The following SH3GL3 variants were observed in gnomAD, a reference collection of about 807,000 sequenced individuals.
SH3GL3 encodes SH3 domain containing GRB2 like 3, endophilin A3.
Under a neutral mutation model 47.7 loss-of-function variants are expected in SH3GL3, and 33 were observed. That is an observed-to-expected ratio of 0.69 (90% CI 0.52 to 0.92). The LOEUF (loss-of-function observed/expected upper bound fraction) is 0.92. SH3GL3 is among the 40% of genes least tolerant of loss of function. The pLI, the probability that SH3GL3 is intolerant of heterozygous loss-of-function variation, is 0.00. For missense variants in SH3GL3, 363 were observed against 417.8 expected (o/e 0.87, Z 1.14); for synonymous variants, 155 against 148.8 (o/e 1.04, Z -0.30).
chr15:83,601,652 G>T lies in SH3GL3; in HGVS notation c.838+12881G>T, dbSNP rs56347029. The stretch of plus-strand genomic sequence containing the variant: ...TGTTCATCAGGGATATTGGTCTGTA[G>T]TTTTCTTTTTTTTCTATGTCCCTTC... On this transcript the variant is annotated intron_variant, in intron 8 of 8. Coordinates refer to ENST00000427482, the MANE Select transcript of SH3GL3 (RefSeq NM_003027.5). 3.3e-3 allele frequency among the ~76,000 whole-genome samples: 503 copies of T among 152,096 alleles called. 6 individuals carry two copies. Among genetic ancestry groups the T allele is most frequent in the African/African-American group, 0.011 (477 of 41,508 alleles).
chr15:83,620,476 A>G (rs535281772), downstream of SH3GL3, among the ~76,000 whole-genome samples: 411 of 152,368 alleles, frequency 2.7e-3, 10 homozygotes, highest in Admixed American at 0.024. Context: ...GTTAGTAGGC[A>G]TGAAAACAAC....
At position 83,568,902 on chromosome 15, in the gene SH3GL3, C is replaced by CT. The variant is rs58463834; in HGVS notation, c.331+250dup. 5.4e-3 allele frequency among the ~76,000 whole-genome samples: 710 copies of CT among 130,948 alleles called. 8 individuals carry two copies. The South Asian group carries it at 0.056, about 10-fold the overall frequency. 85.9% of individuals were successfully genotyped at this position (130,948 alleles called of 152,430 possible). On this transcript the variant is annotated intron_variant, in intron 4 of 8. Transcript: ENST00000427482. ...GGCCCAATTAAACTCTGTTGTGTAT[C>CT]TTTTTTTTTTTTTTTTTTTTAGACA...
intron 1 of SH3GL3, among the ~76,000 whole-genome samples, chr15:83,467,866 C>T (rs2040639563): frequency 6.6e-6 from 1 of 152,076 alleles, no homozygotes; most frequent in Non-Finnish European, 1.5e-5. Context: ...CTCTCTCTGT[C>T]ACCCAGGCTA....
At chr15:83,517,205 C>CTTTTTTTTTTTTTTTTTTTTTT (rs36096315) in intron 1 of SH3GL3, among the ~76,000 whole-genome samples, 1 of 109,690 alleles carries the variant, frequency 9.1e-6, no homozygotes, top group African/African-American at 3.4e-5. Context: ...CTTTTCTTTT[C>CTTTTTTTTTTTTTTTTTTTTTT]TTTTTTTTTT....
At chr15:83,601,146 T>G (rs146594084) in intron 8 of SH3GL3, among the ~76,000 whole-genome samples, 2,691 of 152,290 alleles carry the variant, frequency 0.018, 88 homozygotes, top group African/African-American at 0.061. Context: ...CAGCAAACAG[T>G]GACAGTTTGA....
chr15:83,542,949 CTTTTTTTCTTTATCATCTGATTAGCTACT>C (rs1025171150), intron 1 of SH3GL3, among the ~76,000 whole-genome samples: 9 of 151,634 alleles, frequency 5.9e-5, no homozygotes, highest in Non-Finnish European at 1.3e-4. Flanking sequence ...ATTTAGATCC[CTTTTTTTCTTTATCATCTGATTAGCTACT>C]TTTTTTTCTT....
chr15:83,450,265 GTGAAA>G (rs1356731348), intron 1 of SH3GL3, among the ~76,000 whole-genome samples: 1 of 152,188 alleles, frequency 6.6e-6, no homozygotes, highest in Non-Finnish European at 1.5e-5. Flanking sequence ...TGTATGGTAT[GTGAAA>G]TATATCTCAA....
Position 83,594,984 on chromosome 15 carries a change from A to C in SH3GL3, c.838+6213A>C, listed in dbSNP as rs113928930. 5.3e-4 allele frequency among the ~76,000 whole-genome samples: 80 copies of C among 152,328 alleles called. 2 individuals carry two copies. The highest frequency in any genetic ancestry group is 1.8e-3 in the African/African-American group (76 of 41,574). On this transcript the variant is annotated intron_variant, in intron 8 of 8. Coordinates refer to ENST00000427482, the MANE Select transcript of SH3GL3 (RefSeq NM_003027.5). ...TTAAAGCAGAACTATCATTTGACCC[A>C]GCATTCCCGTTACCGCATATATACC... is the stretch of plus-strand genomic sequence containing the variant.
chr15:83,595,655 A>G (rs961722248), intron 8 of SH3GL3, among the ~76,000 whole-genome samples: 2 of 150,478 alleles, frequency 1.3e-5, no homozygotes, highest in Non-Finnish European at 2.9e-5. Context: ...GCTTTAAGCT[A>G]TAAATTCAAC....
At chr15:83,588,237 T>G (rs2060002702) in intron 7 of SH3GL3, among the ~76,000 whole-genome samples, 2 of 152,138 alleles carry the variant, frequency 1.3e-5, no homozygotes, top group African/African-American at 2.4e-5. Context: ...TTCAAGAGAT[T>G]CTCCTGCCTA....
At chr15:83,633,067 G>C in the SH3GL3 span, among the ~76,000 whole-genome samples, 1 of 152,128 alleles carries the variant, frequency 6.6e-6, no homozygotes, top group East Asian at 1.9e-4. Context: ...ATAGGAAATG[G>C]AGTAACTGAA....
At chr15:83,565,081 G>T in intron 2 of SH3GL3, 53 bp from the exon 3 acceptor site, 2 of 747,496 alleles carry the variant, frequency 2.7e-6, no homozygotes, top group Non-Finnish European at 2.3e-6. Context: ...TTGCTCTTTT[G>T]TGATTTTATT....
At chr15:83,557,351 A>G (rs560273655) in intron 1 of SH3GL3, among the ~76,000 whole-genome samples, 138 of 152,340 alleles carry the variant, frequency 9.1e-4, no homozygotes, top group African/African-American at 3.2e-3. Flanking sequence ...GTGTGTGGAA[A>G]TGAAATTTTT....
chr15:83,607,487 C>T (rs1339731695), intron 8 of SH3GL3, among the ~76,000 whole-genome samples: 1 of 152,146 alleles, frequency 6.6e-6, no homozygotes, highest in Non-Finnish European at 1.5e-5. Flanking sequence ...TGATAAATGG[C>T]TGACTCTAAG....
chr15:83,570,040 G>A (rs1385874101), intron 4 of SH3GL3, among the ~76,000 whole-genome samples: 2 of 151,970 alleles, frequency 1.3e-5, no homozygotes, highest in Non-Finnish European at 2.9e-5. Context: ...CTTCCTATAT[G>A]GTTTCTAGCT....
intron 4 of SH3GL3, among the ~76,000 whole-genome samples, chr15:83,571,903 C>T (rs1245769094): frequency 5.9e-5 from 9 of 152,124 alleles, no homozygotes; most frequent in African/African-American, 9.7e-5. Flanking sequence ...GCCGATTAAC[C>T]GGACTGAGAT....
At chr15:83,475,784 T>A (rs139755670) in intron 1 of SH3GL3, among the ~76,000 whole-genome samples, 20 of 152,368 alleles carry the variant, frequency 1.3e-4, no homozygotes, top group Middle Eastern at 6.8e-3. Context: ...GTCTGTAGAC[T>A]CCTGGTTGCT....
chr15:83,572,449 C>G, intron 4 of SH3GL3, 116 bp from the exon 5 acceptor site: 2 of 810,174 alleles, frequency 2.5e-6, no homozygotes, highest in South Asian at 3.9e-5. Context: ...GGTCCCGGAG[C>G]AAGGACCTTG....
At chr15:83,540,139 T>C (rs539491108) in intron 1 of SH3GL3, among the ~76,000 whole-genome samples, 1 of 152,324 alleles carries the variant, frequency 6.6e-6, no homozygotes, top group South Asian at 2.1e-4. Flanking sequence ...GATATTGATT[T>C]CTATATTAAT....
Sources: allele counts gnomAD v4.1 joint callset (sites outside exome capture counted in the v4.1 genomes callset), GRCh38; gene constraint gnomAD v4.1.1; transcripts MANE v1.5; gene names NCBI Gene and HGNC (gene_info 2026-07-23, HGNC 2026-07-21).